The following PCLO variants were observed in gnomAD, a reference collection of about 807,000 sequenced individuals.
PCLO encodes the protein protein piccolo.
In PCLO, 82 loss-of-function variants were observed where a neutral mutation model predicts 427.5. The observed-to-expected ratio is 0.19, with a 90% CI of 0.16 to 0.23. The LOEUF is 0.23. Ranked by LOEUF, PCLO falls within the 10% of genes least tolerant of loss-of-function variation. PCLO has a pLI of 1.00. For missense variants in PCLO, 6,239 were observed against 6,115.9 expected (o/e 1.02, Z -0.67); for synonymous variants, 2,357 against 2,155.4 (o/e 1.09, Z -2.59).
intron 6 of PCLO, among the ~76,000 whole-genome samples, chr7:82,934,375 A>T (rs1211810361): frequency 6.6e-6 from 1 of 151,920 alleles, no homozygotes; most frequent in African/African-American, 2.4e-5. Flanking sequence ...GCTTCATTTT[A>T]TACCTCAAAT....
In PCLO at chr7:83,037,705, C is replaced by G. The variant is rs533631366; in HGVS notation, c.3301-71218G>C. Among the ~76,000 whole-genome samples, 42 of 151,280 alleles carry G rather than the reference C, an allele frequency of 2.8e-4. No individual in the cohort carries two copies. The East Asian group carries it at 7.7e-3, about 28-fold the overall frequency. On this transcript the variant is annotated intron_variant, in intron 3 of 24. Coordinates refer to ENST00000333891, the MANE Select transcript of PCLO (RefSeq NM_033026.6). ...GGCTCTAGCTTCCTCTGGCTTCTCT[C>G]ATATTATCCTAAAATATCTTCCAGA... is the stretch of plus-strand genomic sequence containing the variant.
At chr7:82,849,290 A>G (rs1251566849) in intron 10 of PCLO, among the ~76,000 whole-genome samples, 2 of 151,848 alleles carry the variant, frequency 1.3e-5, no homozygotes, top group African/African-American at 4.8e-5. Flanking sequence ...CTCTTAAAAA[A>G]TTATACAGAT....
intron 3 of PCLO, among the ~76,000 whole-genome samples, chr7:83,032,016 T>C (rs2116150156): frequency 6.6e-6 from 1 of 152,286 alleles, no homozygotes; most frequent in East Asian, 1.9e-4. Context: ...AGGACTGGTT[T>C]TGTAGTTGTC....
chr7:83,040,847 G>A (rs2116210196), intron 3 of PCLO, among the ~76,000 whole-genome samples: 1 of 152,162 alleles, frequency 6.6e-6, no homozygotes, highest in African/African-American at 2.4e-5. Flanking sequence ...AAGAACAATG[G>A]CTACCTAATT....
intron 1 of PCLO, among the ~76,000 whole-genome samples, chr7:83,160,818 G>A (rs1792416806): frequency 6.6e-6 from 1 of 152,070 alleles, no homozygotes; most frequent in African/African-American, 2.4e-5. Context: ...TGTTGCTTGT[G>A]CCTCTTAGGA....
chr7:82,954,566 A>C lies in PCLO; in HGVS notation c.6387T>G (p.Asp2129Glu), dbSNP rs768293719. ...STSSATLSIP[D>E]VKITQHFSTE... ...TTGAAAAATGTTGGGTTATTTTAAC[A>C]TCTGGGATAGAGAGTGTTGCACTGC... Residue 2129 changes from aspartate to glutamate, a missense_variant, in exon 5 of 25, where the codon GAT becomes GAG. This residue lies in a region of PCLO where 4,677 missense variants were observed against 4,468.4 expected (regional missense o/e 1.05). Coordinates refer to ENST00000333891, the MANE Select transcript of PCLO (RefSeq NM_033026.6). 2 of 1,613,970 alleles carry C rather than the reference A, an allele frequency of 1.2e-6. No homozygotes were observed. Among genetic ancestry groups the C allele is most frequent in the Non-Finnish European group, 1.7e-6 (2 of 1,179,876 alleles).
At position 82,993,122 on chromosome 7, in the gene PCLO, C is replaced by T. The variant is rs1231468460; in HGVS notation, c.3301-26635G>A. On this transcript the variant is annotated intron_variant, in intron 3 of 24. Coordinates refer to ENST00000333891, the MANE Select transcript of PCLO (RefSeq NM_033026.6). ...ATATTATTGAAAATATGTAGTTTTT[C>T]CCCCTTCCTCTAGATTGTACCTTTA... Among the ~76,000 whole-genome samples the T allele has an allele frequency of 2.0e-5, 3 of 151,990 alleles. No homozygotes were observed. The East Asian group carries it at 5.8e-4, about 29-fold the overall frequency.
Position 82,828,914 on chromosome 7 carries a change from G to C in PCLO, c.14250-948C>G, listed in dbSNP as rs75453535. On this transcript the variant is annotated intron_variant, in intron 16 of 24. Transcript: ENST00000333891. ...TAGAGTCCTGTAAACCAACCTCTCT[G>C]TCTGGGGGTCTTGACATGTGTCTGG... is the stretch of plus-strand genomic sequence containing the variant. 6.6e-3 allele frequency among the ~76,000 whole-genome samples: 1,008 copies of C among 152,214 alleles called. 14 individuals are homozygous for C. The highest frequency in any genetic ancestry group is 0.023 in the African/African-American group (951 of 41,532).
At chr7:83,077,496 A>AT (rs1434131325) in intron 3 of PCLO, among the ~76,000 whole-genome samples, 1 of 152,104 alleles carries the variant, frequency 6.6e-6, no homozygotes, top group East Asian at 1.9e-4. Context: ...CATCAAAAAA[A>AT]TAAGTGTGGA....
intron 6 of PCLO, among the ~76,000 whole-genome samples, chr7:82,934,484 G>A (rs776073801): frequency 3.3e-5 from 5 of 151,660 alleles, no homozygotes; most frequent in South Asian, 2.1e-4. Context: ...TTAGTCTAAC[G>A]ATGTTTATTT....
chr7:82,932,275 T>C (rs775066076), intron 6 of PCLO, among the ~76,000 whole-genome samples: 8 of 152,138 alleles, frequency 5.3e-5, no homozygotes, highest in Non-Finnish European at 1.0e-4. Flanking sequence ...GTGGCTGCTA[T>C]TTGGATTCAT....
intron 3 of PCLO, 53 bp downstream of exon 3, chr7:83,134,197 C>T: frequency 1.8e-6 from 1 of 560,516 alleles, no homozygotes; most frequent in Non-Finnish European, 2.5e-6. Flanking sequence ...AAAATAAACC[C>T]ACAGACTCAC....
At chr7:83,029,144 A>C (rs1788588978) in intron 3 of PCLO, among the ~76,000 whole-genome samples, 1 of 150,994 alleles carries the variant, frequency 6.6e-6, no homozygotes, top group Non-Finnish European at 1.5e-5. Context: ...TGCACAGCAA[A>C]AGAAACTACC....
At chr7:83,071,932 A>C (rs1302885655) in intron 3 of PCLO, among the ~76,000 whole-genome samples, 1 of 152,200 alleles carries the variant, frequency 6.6e-6, no homozygotes, top group East Asian at 1.9e-4. Flanking sequence ...GAGGAGAGCT[A>C]TAAAACATTG....
At chr7:82,828,280 T>C (rs747937330) in intron 16 of PCLO, among the ~76,000 whole-genome samples, 7 of 152,088 alleles carry the variant, frequency 4.6e-5, no homozygotes, top group Non-Finnish European at 8.8e-5. Context: ...ATGAACTAAA[T>C]AGTAACATCA....
chr7:83,056,804 T>C (rs1789389969), intron 3 of PCLO, among the ~76,000 whole-genome samples: 2 of 152,160 alleles, frequency 1.3e-5, no homozygotes, highest in Non-Finnish European at 1.5e-5. Flanking sequence ...TCTTGATGCT[T>C]AATCCACTGC....
At chr7:83,001,331 C>A (rs1359075629) in intron 3 of PCLO, among the ~76,000 whole-genome samples, 1 of 151,872 alleles carries the variant, frequency 6.6e-6, no homozygotes, top group Non-Finnish European at 1.5e-5. Flanking sequence ...TGCCAATTAT[C>A]TGAAGGATAC....
intron 3 of PCLO, among the ~76,000 whole-genome samples, chr7:83,010,658 T>A (rs1215673471): frequency 6.6e-6 from 1 of 151,562 alleles, no homozygotes; most frequent in African/African-American, 2.4e-5. Context: ...ACTGAAATTA[T>A]CTCCTAACTT....
intron 3 of PCLO, among the ~76,000 whole-genome samples, chr7:83,070,388 GT>G (rs35523358): frequency 0.25 from 34,912 of 138,162 alleles, 4,548 homozygotes; most frequent in East Asian, 0.53. Context: ...ACGTTTTGTG[GT>G]TTTTTTTTTT....
Sources: gnomAD v4.1 joint callset for allele counts (sites outside exome capture counted in the v4.1 genomes callset) on GRCh38, gnomAD v4.1.1 for gene constraint, gnomAD v4.1.1 regional missense constraint, MANE v1.5 for transcripts, NCBI Gene and HGNC (gene_info 2026-07-23, HGNC 2026-07-21) for gene names.